Variants in CLCN3 observed in about 807,000 individuals in gnomAD.
CLCN3 encodes the protein H(+)/Cl(-) exchange transporter 3.
CLCN3 carries 16 observed loss-of-function variants against 83.4 expected under a neutral mutation model. That is an observed-to-expected ratio of 0.19 (90% CI 0.13 to 0.29). The LOEUF (loss-of-function observed/expected upper bound fraction) is 0.29. CLCN3 is among the 10% of genes least tolerant of loss of function. The probability of loss-of-function intolerance (pLI) is 1.00; values close to 1 mark genes in which losing one functional copy is unlikely to be tolerated. For missense variants in CLCN3, 544 were observed against 1,006.0 expected (o/e 0.54, Z 6.21); for synonymous variants, 322 against 346.2 (o/e 0.93, Z 0.78).
chr4:169,699,283 A>G (rs1157839058), intron 9 of CLCN3, among the ~76,000 whole-genome samples: 1 of 152,154 alleles, frequency 6.6e-6, no homozygotes, highest in Non-Finnish European at 1.5e-5. Context: ...GCCCTGGGAC[A>G]TTGCTTCTTT....
intron 12 of CLCN3, among the ~76,000 whole-genome samples, chr4:169,714,192 G>A (rs1733337435): frequency 6.6e-6 from 1 of 152,008 alleles, no homozygotes; most frequent in Admixed American, 6.5e-5. Flanking sequence ...AAAAACAGAG[G>A]GTATTCTTGG....
intron 7 of CLCN3, among the ~76,000 whole-genome samples, chr4:169,692,814 A>C (rs1451282034): frequency 6.6e-6 from 1 of 152,204 alleles, no homozygotes; most frequent in Non-Finnish European, 1.5e-5. Context: ...TAAATCAGAA[A>C]TTCACATTAA....
intron 2 of CLCN3, among the ~76,000 whole-genome samples, chr4:169,662,067 A>G (rs1221600341): frequency 7.9e-5 from 12 of 152,322 alleles, no homozygotes; most frequent in Non-Finnish European, 1.3e-4. Context: ...AGTCTTTGAC[A>G]GAACTTACTT....
At chr4:169,659,551 C>A (rs192042894) in intron 2 of CLCN3, among the ~76,000 whole-genome samples, 1 of 152,068 alleles carries the variant, frequency 6.6e-6, no homozygotes, top group Admixed American at 6.6e-5. Context: ...TTACTTAGTA[C>A]GTTGATAGTT....
At chr4:169,640,888 A>G (rs1432704577) in intron 2 of CLCN3, among the ~76,000 whole-genome samples, 3 of 152,180 alleles carry the variant, frequency 2.0e-5, no homozygotes, top group Non-Finnish European at 4.4e-5. Flanking sequence ...TCAGTAGTTA[A>G]TTTATGTTGA....
chr4:169,641,784 T>C (rs1218023911), intron 2 of CLCN3, among the ~76,000 whole-genome samples: 2 of 152,142 alleles, frequency 1.3e-5, no homozygotes, highest in Non-Finnish European at 2.9e-5. Context: ...CAGCCTTTCC[T>C]CCTGTAAACG....
chr4:169,660,551 A>G, intron 2 of CLCN3: 2 of 749,642 alleles, frequency 2.7e-6, no homozygotes, highest in Non-Finnish European at 3.7e-6. Context: ...TAAATACTGC[A>G]GTACGTTGTT....
At chr4:169,700,417 C>A (rs1732733933) in intron 9 of CLCN3, among the ~76,000 whole-genome samples, 1 of 152,080 alleles carries the variant, frequency 6.6e-6, no homozygotes, top group Admixed American at 6.5e-5. Flanking sequence ...GCCATCACAC[C>A]CGGCTAATTT....
rs970585847 is a variant in CLCN3 at position 169,721,255 on chromosome 4, T to C, written c.*1258T>C. 1 of 152,218 alleles carries C rather than the reference T, an allele frequency of 6.6e-6. No individual in the cohort carries two copies. The highest frequency in any genetic ancestry group is 2.4e-5 in the African/African-American group (1 of 41,460). 9.4% of individuals were successfully genotyped at this position (152,218 alleles called of 1,614,324 possible). ...CACTTAAGTAATTTTACCTTTTTAA[T>C]GTGATTTTTATAGAATAATTCAGAC... On this transcript the variant is annotated 3_prime_UTR_variant, in exon 13 of 13. Transcript: ENST00000513761.
chr4:169,620,587 T>A lies in CLCN3; in HGVS notation c.-493T>A. ...CTGACTCCTGCCGCTTCTCTTCCCCTTCCGTGGGTCAGGGCCGGTCCGGTC... is the reference window on the plus strand; with the variant it reads ...CTGACTCCTGCCGCTTCTCTTCCCCATCCGTGGGTCAGGGCCGGTCCGGTC... On this transcript the variant is annotated 5_prime_UTR_variant, in exon 1 of 13. Transcript: ENST00000513761. The A allele has an allele frequency of 7.8e-6, 3 of 385,164 alleles. No homozygotes were observed. The highest frequency in any genetic ancestry group is 3.7e-5 in the East Asian group (1 of 26,784). The allele number at this position is 385,164 out of a possible 1,614,324, so 23.9% of individuals were successfully genotyped here.
rs747826742 is a variant in CLCN3 at position 169,689,308 on chromosome 4, A to T, written c.606+78A>T. ...TCCAATTCATTTAATTATAGAACTA[A>T]TCACATATTAGATGATTACATACAC... On this transcript the variant is annotated intron_variant, in intron 5 of 12. Transcript: ENST00000513761. 290 of 1,233,896 alleles carry T rather than the reference A, an allele frequency of 2.4e-4. 2 individuals are homozygous for T. Among genetic ancestry groups the T allele is most frequent in the Non-Finnish European group, 3.1e-4 (272 of 873,746 alleles). The allele number at this position is 1,233,896 out of a possible 1,614,324, so 76.4% of individuals were successfully genotyped here.
At chr4:169,679,412 C>T (rs1258597362) in intron 2 of CLCN3, among the ~76,000 whole-genome samples, 28 of 150,956 alleles carry the variant, frequency 1.9e-4, no homozygotes, top group African/African-American at 5.8e-4. Context: ...CTAGACTGGG[C>T]GGCCGGGCAG....
At chr4:169,713,368 A>T (rs1228158830) in intron 12 of CLCN3, 73 bp downstream of exon 12, 5 of 1,202,612 alleles carry the variant, frequency 4.2e-6, no homozygotes, top group Admixed American at 3.5e-5. Flanking sequence ...CTATATAGTT[A>T]TTAGGGGAGC....
At chr4:169,690,385 A>C in intron 5 of CLCN3, 145 bp from the exon 6 acceptor site, 174 of 721,486 alleles carry the variant, frequency 2.4e-4, no homozygotes, top group Non-Finnish European at 3.5e-4. Context: ...ACCTCAGGTG[A>C]TCCACCCGCC....
chr4:169,649,900 A>C (rs531533248), intron 2 of CLCN3, among the ~76,000 whole-genome samples: 5 of 152,174 alleles, frequency 3.3e-5, no homozygotes, highest in Non-Finnish European at 7.4e-5. Context: ...TCTGGGCAAC[A>C]TGGCAAGGCC....
chr4:169,720,273 T>C lies in CLCN3; in HGVS notation c.*276T>C, dbSNP rs1013601450. 4.0e-6 allele frequency: 2 copies of C among 502,746 alleles called. No homozygotes were observed. Among genetic ancestry groups the C allele is most frequent in the African/African-American group, 1.9e-5 (1 of 51,328 alleles). 31.1% of individuals were successfully genotyped at this position (502,746 alleles called of 1,614,324 possible). On this transcript the variant is annotated 3_prime_UTR_variant, in exon 13 of 13. Transcript: ENST00000513761. ...CTCCTATTGTTCTGCACTGGATGCATTCAGCTGAGGATGTGCCTGATAGTG... is the reference window on the plus strand; with the variant it reads ...CTCCTATTGTTCTGCACTGGATGCACTCAGCTGAGGATGTGCCTGATAGTG...
intron 8 of CLCN3, among the ~76,000 whole-genome samples, 163 bp from the exon 9 acceptor site, chr4:169,697,023 AAAT>A (rs1017829380): frequency 2.6e-5 from 4 of 152,122 alleles, no homozygotes; most frequent in African/African-American, 7.2e-5. Flanking sequence ...CCATCTCCAA[AAAT>A]AATAATAACA....
At chr4:169,665,564 C>A (rs1480211123) in intron 2 of CLCN3, among the ~76,000 whole-genome samples, 2 of 151,530 alleles carry the variant, frequency 1.3e-5, no homozygotes, top group African/African-American at 4.9e-5. Flanking sequence ...CCATCCCTTA[C>A]CAGGATGGCC....
At chr4:169,681,823 A>G (rs1025185770) in intron 3 of CLCN3, among the ~76,000 whole-genome samples, 1 of 152,234 alleles carries the variant, frequency 6.6e-6, no homozygotes, top group African/African-American at 2.4e-5. Flanking sequence ...ATTGTGCTAC[A>G]TTTGTTATAA....
Sources: gnomAD v4.1 joint callset for allele counts (sites outside exome capture counted in the v4.1 genomes callset) on GRCh38, gnomAD v4.1.1 for gene constraint, MANE v1.5 for transcripts, NCBI Gene and HGNC (gene_info 2026-07-23, HGNC 2026-07-21) for gene names.